The following HELB variants were observed in gnomAD, a reference collection of about 807,000 sequenced individuals.
The protein encoded by HELB is DNA helicase B.
HELB carries 96 observed loss-of-function variants against 101.7 expected under a neutral mutation model. The ratio of observed to expected loss-of-function variants is 0.94; its 90% confidence interval spans 0.80 to 1.12. The LOEUF is 1.12. Among genes scored for constraint, HELB ranks in the 50% most tolerant of loss-of-function variants. The probability of loss-of-function intolerance (pLI) is 0.00; values close to 1 mark genes in which losing one functional copy is unlikely to be tolerated. For missense variants in HELB, 1,210 were observed against 1,291.9 expected (o/e 0.94, Z 0.97); for synonymous variants, 437 against 459.7 (o/e 0.95, Z 0.63).
chr12:66,324,707 G>A (rs1182244371), intron 10 of HELB, among the ~76,000 whole-genome samples: 2 of 152,152 alleles, frequency 1.3e-5, no homozygotes, highest in East Asian at 1.9e-4. Flanking sequence ...AGAAATGAAT[G>A]TATAGACTTC....
At chr12:66,331,034 A>G (rs1049397956) in intron 11 of HELB, 120 bp from the exon 12 acceptor site, 3 of 1,087,948 alleles carry the variant, frequency 2.8e-6, no homozygotes, top group African/African-American at 1.6e-5. Flanking sequence ...ACACATAATA[A>G]TAGTCTGGCC....
chr12:66,318,610 T>TTGTG (rs754055520), intron 6 of HELB, 28 bp from the exon 7 acceptor site: 14 of 1,564,380 alleles, frequency 8.9e-6, no homozygotes, highest in Non-Finnish European at 1.2e-5. Flanking sequence ...ATAATGTTCT[T>TTGTG]TGTGTGTGTG....
rs1031790043 is a variant in HELB, at chr12:66,331,154, G to A, written c.2671G>A (p.Gly891Arg). ...AWARTIHTFQ[G>R]SEEQTVVYVV... is the part of the protein sequence containing the mutation. The stretch of plus-strand genomic sequence containing the variant: ...CTTCACACCATATTTTTCCTGCCAG[G>A]GGTCCGAGGAGCAAACAGTTGTCTA... The change falls in exon 12 of 13, where the codon GGG becomes AGG. Residue 891 changes from glycine (G) to arginine (R), a missense_variant and splice_region_variant. By Grantham distance (125) the Gly-to-Arg change is moderately radical. Transcript: ENST00000247815. The A allele has an allele frequency of 5.6e-6, 9 of 1,593,054 alleles. No individual in the cohort carries two copies. The highest frequency in any genetic ancestry group is 7.7e-6 in the Non-Finnish European group (9 of 1,168,766).
chr12:66,338,532 C>T (rs1318777796), downstream of HELB: 1 of 155,760 alleles, frequency 6.4e-6, no homozygotes, highest in Non-Finnish European at 1.4e-5. Flanking sequence ...ATCTCAGCTA[C>T]TCAGGAGGCT....
chr12:66,321,941 T>C lies in HELB; in HGVS notation c.2156-7T>C. ...GCTGTGTTAACTTTTTTCTCTTGAATTATTAGGTTTATATTCTGCAGTTAA... is the reference window on the plus strand; with the variant it reads ...GCTGTGTTAACTTTTTTCTCTTGAACTATTAGGTTTATATTCTGCAGTTAA... On this transcript the variant is annotated splice_region_variant and splice_polypyrimidine_tract_variant and intron_variant, in intron 7 of 12. Transcript: ENST00000247815. The C allele has an allele frequency of 1.0e-6, 1 of 1,001,130 alleles. No individual in the cohort carries two copies. Among genetic ancestry groups the C allele is most frequent in the Non-Finnish European group, 1.5e-6 (1 of 654,932 alleles). The allele number at this position is 1,001,130 out of a possible 1,614,324, so 62.0% of individuals were successfully genotyped here.
intron 11 of HELB, 72 bp downstream of exon 11, chr12:66,325,198 AT>A: frequency 9.0e-7 from 1 of 1,106,304 alleles, no homozygotes; most frequent in Non-Finnish European, 1.3e-6. Flanking sequence ...GTTTTCGTAA[AT>A]TTTTGTTGCA....
intron 11 of HELB, among the ~76,000 whole-genome samples, chr12:66,330,839 C>T (rs2053797407): frequency 1.3e-5 from 2 of 151,818 alleles, no homozygotes; most frequent in Admixed American, 1.3e-4. Flanking sequence ...CACATTTACA[C>T]ATGAAGCCTG....
chr12:66,315,082 T>G (rs1236480719), intron 5 of HELB, among the ~76,000 whole-genome samples, 160 bp from the exon 6 acceptor site: 2 of 152,130 alleles, frequency 1.3e-5, no homozygotes, highest in African/African-American at 2.4e-5. Context: ...TCTATTTAGA[T>G]TTTGTCACCT....
intron 4 of HELB, 31 bp downstream of exon 4, chr12:66,310,639 A>T (rs763463148): frequency 2.5e-6 from 4 of 1,580,736 alleles, no homozygotes; most frequent in South Asian, 1.2e-5. Flanking sequence ...TCTGTAGATA[A>T]AACATTTGTC....
At chr12:66,320,420 ATG>A (rs1228284117) in intron 7 of HELB, among the ~76,000 whole-genome samples, 2 of 152,182 alleles carry the variant, frequency 1.3e-5, no homozygotes, top group Non-Finnish European at 2.9e-5. Flanking sequence ...TGACTTAGAA[ATG>A]TATGTTAAAT....
chr12:66,309,965 A>G lies in HELB; in HGVS notation c.1037A>G (p.Tyr346Cys). The G allele has an allele frequency of 6.2e-7, 1 of 1,614,218 alleles. No homozygotes were observed. The highest frequency in any genetic ancestry group is 8.5e-7 in the Non-Finnish European group (1 of 1,180,024). ...KFLKDIGVVT[Y>C]EKSCVFPYDL... ...TTGAAGGATATTGGTGTGGTGACAT[A>G]TGAGAAGTCCTGTGTCTTCCCTTAT... The change falls in exon 4 of 13, where the codon TAT becomes TGT. Residue 346 changes from tyrosine (Y) to cysteine (C), a missense_variant. This residue lies in a region of HELB where 470 missense variants were observed against 563.1 expected (regional missense o/e 0.83). Coordinates refer to ENST00000247815, the MANE Select transcript of HELB (RefSeq NM_001370285.1).
chr12:66,311,090 G>T (rs1393479090), intron 4 of HELB, among the ~76,000 whole-genome samples: 1 of 151,922 alleles, frequency 6.6e-6, no homozygotes, highest in Non-Finnish European at 1.5e-5. Flanking sequence ...TTACCAGTTT[G>T]CATGAGAAAG....
At chr12:66,320,585 T>A (rs1380907404) in intron 7 of HELB, among the ~76,000 whole-genome samples, 4 of 152,226 alleles carry the variant, frequency 2.6e-5, no homozygotes, top group Admixed American at 6.5e-5. Context: ...GTACCCATTC[T>A]TTGCATTAAT....
At chr12:66,308,127 A>G (rs891467269) in intron 3 of HELB, among the ~76,000 whole-genome samples, 3 of 151,758 alleles carry the variant, frequency 2.0e-5, no homozygotes, top group Non-Finnish European at 4.4e-5. Flanking sequence ...ACCCCTGTTT[A>G]AGGAGCTGTT....
intron 12 of HELB, among the ~76,000 whole-genome samples, chr12:66,336,208 C>A (rs2053864858): frequency 6.6e-6 from 1 of 151,962 alleles, no homozygotes; most frequent in African/African-American, 2.4e-5. Context: ...CTTCTAGTGC[C>A]CCTCCTTTAG....
At chr12:66,336,015 G>C (rs189057460) in intron 12 of HELB, among the ~76,000 whole-genome samples, 7 of 152,254 alleles carry the variant, frequency 4.6e-5, no homozygotes, top group Non-Finnish European at 5.9e-5. Context: ...GCTTCTTGAG[G>C]ACAGTGTATC....
rs781543570 is a variant in HELB, at chr12:66,315,386, A to T, written c.2000+3A>T. 3 of 1,553,064 alleles carry T rather than the reference A, an allele frequency of 1.9e-6. No homozygotes were observed. Among genetic ancestry groups the T allele is most frequent in the Admixed American group, 2.1e-5 (1 of 47,874 alleles). On this transcript the variant is annotated splice_donor_region_variant and intron_variant, in intron 6 of 12. Coordinates refer to ENST00000247815, the MANE Select transcript of HELB (RefSeq NM_001370285.1). ...CTCATTGTGGACAATGCTACAAGGT[A>T]TAATATTACTAAGAGTTTGCATTTT...
At chr12:66,341,975 G>A (rs1461052824), downstream of HELB, 2 of 152,260 alleles carry the variant, frequency 1.3e-5, no homozygotes, top group South Asian at 2.1e-4. Flanking sequence ...GGACTACTAA[G>A]TGTCCTTTGA....
Position 66,310,620 on chromosome 12 carries a change from G to T in HELB, c.1680+12G>T. On this transcript the variant is annotated intron_variant, in intron 4 of 12. Coordinates refer to ENST00000247815, the MANE Select transcript of HELB (RefSeq NM_001370285.1). Reference sequence around the variant, plus strand: ...ACACACTGTGTCAGGTAAAACCTTTGACATTTCATCTGTAGATAAAACATT... The same window carrying T: ...ACACACTGTGTCAGGTAAAACCTTTTACATTTCATCTGTAGATAAAACATT... 6.3e-7 allele frequency: 1 copy of T among 1,597,478 alleles called. No homozygotes were observed. Among genetic ancestry groups the T allele is most frequent in the South Asian group, 1.1e-5 (1 of 89,344 alleles).
Sources: allele counts gnomAD v4.1 joint callset (sites outside exome capture counted in the v4.1 genomes callset), GRCh38; gene constraint gnomAD v4.1.1; regional missense constraint gnomAD v4.1.1; transcripts MANE v1.5; gene names NCBI Gene and HGNC (gene_info 2026-07-23, HGNC 2026-07-21).